CHST15: variants seen among roughly 807,000 people sequenced by gnomAD.
CHST15 encodes the protein carbohydrate sulfotransferase 15.
A neutral mutation model predicts 53.6 loss-of-function variants in CHST15; 30 were observed. The observed-to-expected ratio is 0.56, with a 90% CI of 0.42 to 0.76. The LOEUF is 0.76. Ranked by LOEUF, CHST15 falls within the 30% of genes least tolerant of loss-of-function variation. The pLI is 0.00. For missense variants in CHST15, 627 were observed against 740.5 expected, an observed-to-expected ratio of 0.85 and a Z score of 1.78; for synonymous variants, 296 against 289.8, an observed-to-expected ratio of 1.02 and a Z score of -0.22.
intron 1 of CHST15, among the ~76,000 whole-genome samples, chr10:124,069,619 G>A (rs1191420837): frequency 2.0e-5 from 3 of 152,138 alleles, no homozygotes; most frequent in Admixed American, 6.5e-5. Context: ...GACAGTTTAC[G>A]GTTTCACAGT....
intron 1 of CHST15, among the ~76,000 whole-genome samples, chr10:124,085,623 G>C (rs1019797546): frequency 6.6e-6 from 1 of 152,230 alleles, no homozygotes. Flanking sequence ...TGGATGTACC[G>C]TGAGCCCCAG....
At chr10:124,011,535 T>C in intron 7 of CHST15, 1 of 985,468 alleles carries the variant, frequency 1.0e-6, no homozygotes, top group Non-Finnish European at 1.2e-6. Context: ...TAGTCAGGGC[T>C]GCAGGAGGCG....
chr10:124,015,404 G>T lies in CHST15; in HGVS notation c.1348-2924C>A, dbSNP rs539921700. On this transcript the variant is annotated intron_variant, in intron 6 of 7. Transcript: ENST00000435907. Reference sequence around the variant, plus strand: ...TGGAGGTGCAGGGCAGGGCGGGGGGGGCTACTCAGGGTCAGTGGCCAATAC... The same window carrying T: ...TGGAGGTGCAGGGCAGGGCGGGGGGTGCTACTCAGGGTCAGTGGCCAATAC... Among the ~76,000 whole-genome samples, 825 of 151,362 alleles carry T rather than the reference G, an allele frequency of 5.5e-3. 4 individuals are homozygous for T. Among genetic ancestry groups the T allele is most frequent in the African/African-American group, 0.015 (640 of 41,320 alleles).
intron 1 of CHST15, among the ~76,000 whole-genome samples, chr10:124,078,232 G>A (rs779629384): frequency 3.9e-5 from 6 of 152,136 alleles, no homozygotes; most frequent in African/African-American, 9.7e-5. Flanking sequence ...GAGGGAGCCC[G>A]GCAAGGTTAA....
intron 5 of CHST15, among the ~76,000 whole-genome samples, chr10:124,025,831 C>A (rs1011127198): frequency 6.6e-6 from 1 of 152,118 alleles, no homozygotes; most frequent in African/African-American, 2.4e-5. Context: ...CGTCTATGAG[C>A]CAAGGAACGC....
In CHST15 at chr10:124,054,765, GA is replaced by G. The variant is rs537341314; in HGVS notation, c.-512-8042del. On this transcript the variant is annotated intron_variant, in intron 1 of 7. Coordinates refer to ENST00000435907, the MANE Select transcript of CHST15 (RefSeq NM_001270764.2). ...CTCAGTCTCCTACTGTGGATGTGAG[GA>G]AGAAATGAGGTCACATACACAAAAT... 1.4e-4 allele frequency among the ~76,000 whole-genome samples: 21 copies of G among 152,298 alleles called. No homozygotes were observed. In the South Asian group the frequency reaches 4.1e-3, roughly 30 times the overall value.
At chr10:124,075,526 C>A (rs149591260) in intron 1 of CHST15, among the ~76,000 whole-genome samples, 1 of 152,180 alleles carries the variant, frequency 6.6e-6, no homozygotes, top group Admixed American at 6.5e-5. Context: ...GAAAATCTAG[C>A]GGTGGTGCAC....
intron 5 of CHST15, 102 bp from the exon 6 acceptor site, chr10:124,021,514 C>T: frequency 6.6e-7 from 1 of 1,507,164 alleles, no homozygotes; most frequent in Non-Finnish European, 8.9e-7. Flanking sequence ...TCTAGTTTTC[C>T]TGATTGAAGC....
chr10:124,021,088 T>C, intron 6 of CHST15, 168 bp downstream of exon 6: 1 of 1,476,044 alleles, frequency 6.8e-7, no homozygotes, highest in Non-Finnish European at 9.0e-7. Flanking sequence ...CCCATCAGTT[T>C]TCAGCTTTTA....
At chr10:124,055,053 C>T (rs1218153567) in intron 1 of CHST15, among the ~76,000 whole-genome samples, 1 of 152,136 alleles carries the variant, frequency 6.6e-6, no homozygotes, top group African/African-American at 2.4e-5. Flanking sequence ...GATAAATACA[C>T]TTCACAAAGT....
At chr10:124,022,013 C>T (rs567882923) in intron 5 of CHST15, among the ~76,000 whole-genome samples, 3 of 152,318 alleles carry the variant, frequency 2.0e-5, no homozygotes, top group African/African-American at 4.8e-5. Flanking sequence ...CACGTTTACC[C>T]GTGGACACAG....
rs1457175897 is a variant in CHST15, at chr10:124,008,047, G to A, written c.*2102C>T. On this transcript the variant is annotated 3_prime_UTR_variant, in exon 8 of 8. Coordinates refer to ENST00000435907, the MANE Select transcript of CHST15 (RefSeq NM_001270764.2). ...GGCATTGAGTGGCACAGAAGGGATG[G>A]GACTGCATATATAAAAAAGATCCGC... 2 of 1,231,794 alleles carry A rather than the reference G, an allele frequency of 1.6e-6. No individual in the cohort carries two copies. Among genetic ancestry groups the A allele is most frequent in the Non-Finnish European group, 2.0e-6 (2 of 987,936 alleles). 76.3% of individuals were successfully genotyped at this position (1,231,794 alleles called of 1,614,324 possible). A position where few individuals can be genotyped will look rare whatever the true frequency, so the allele number is the denominator to read the frequency against.
chr10:124,022,666 C>T (rs1946830536), intron 5 of CHST15, among the ~76,000 whole-genome samples: 1 of 152,098 alleles, frequency 6.6e-6, no homozygotes, highest in Non-Finnish European at 1.5e-5. Flanking sequence ...AGTCCACCAC[C>T]CCCAGGAGAT....
chr10:124,035,265 AC>A, intron 5 of CHST15, among the ~76,000 whole-genome samples: 1 of 61,600 alleles, frequency 1.6e-5, no homozygotes. Flanking sequence ...CCCTGGCTCC[AC>A]CCCTAACAGG....
chr10:124,044,505 C>T, intron 3 of CHST15, 75 bp downstream of exon 3: 2 of 1,251,810 alleles, frequency 1.6e-6, no homozygotes, highest in Non-Finnish European at 2.1e-6. Flanking sequence ...CCCCCAACCC[C>T]AGCGCTAACG....
At chr10:124,010,868 C>T (rs1946392928) in intron 7 of CHST15, 1 of 985,326 alleles carries the variant, frequency 1.0e-6, no homozygotes, top group African/African-American at 1.7e-5. Flanking sequence ...GGGAGGAGGC[C>T]ACTTGTGCCC....
intron 5 of CHST15, 25 bp downstream of exon 5, chr10:124,038,490 A>G (rs775663009): frequency 1.4e-4 from 225 of 1,609,286 alleles, no homozygotes; most frequent in Admixed American, 2.7e-4. Context: ...TCTCACCCCA[A>G]ATACAACACA....
At chr10:124,082,640 A>G (rs1201014609) in intron 1 of CHST15, among the ~76,000 whole-genome samples, 1 of 152,264 alleles carries the variant, frequency 6.6e-6, no homozygotes, top group African/African-American at 2.4e-5. Flanking sequence ...CGCCTCATTC[A>G]TAAGAGCCAA....
intron 1 of CHST15, among the ~76,000 whole-genome samples, chr10:124,082,705 G>T (rs914250306): frequency 1.3e-5 from 2 of 152,198 alleles, no homozygotes; most frequent in Non-Finnish European, 2.9e-5. Flanking sequence ...TGAAACTGTG[G>T]TCTATCCCTG....
Sources: gnomAD v4.1 joint callset for allele counts (sites outside exome capture counted in the v4.1 genomes callset) on GRCh38, gnomAD v4.1.1 for gene constraint, MANE v1.5 for transcripts, NCBI Gene and HGNC (gene_info 2026-07-23, HGNC 2026-07-21) for gene names.